Variants in SEPTIN9 observed in about 807,000 individuals in gnomAD.
SEPTIN9 encodes the protein septin 9, also known as septin-9.
SEPTIN9 carries 13 observed loss-of-function variants against 56.6 expected under a neutral mutation model. The ratio of observed to expected loss-of-function variants is 0.23; its 90% CI spans 0.15 to 0.37. SEPTIN9 has a LOEUF of 0.37. Among genes scored for constraint, SEPTIN9 ranks in the 10% least tolerant of loss-of-function variants. SEPTIN9 has a pLI of 1.00. For missense variants in SEPTIN9, 650 were observed against 823.1 expected, an observed-to-expected ratio of 0.79 and a Z score of 2.57; for synonymous variants, 332 against 334.1, an observed-to-expected ratio of 0.99 and a Z score of 0.07.
In SEPTIN9 at chr17:77,326,220, A is replaced by T. The variant is rs2033134991; in HGVS notation, c.76+19023A>T. ...AACCTCCCTTGCCGGTCACTCATTC[A>T]TTCATTCAGCATTGGGTGCTCCCTG... On this transcript the variant is annotated intron_variant, in intron 2 of 11. Transcript: ENST00000427177. The surrounding 1 kb of genome is among the most constrained non-coding windows in gnomAD (Gnocchi z 5.1). 1.3e-5 allele frequency among the ~76,000 whole-genome samples: 2 copies of T among 152,270 alleles called. No individual in the cohort carries two copies. The highest frequency in any genetic ancestry group is 4.1e-4 in the South Asian group (2 of 4,824).
chr17:77,443,867 CT>C (rs1037547026), intron 3 of SEPTIN9, among the ~76,000 whole-genome samples: 6 of 152,112 alleles, frequency 3.9e-5, no homozygotes, highest in African/African-American at 1.4e-4. Flanking sequence ...AAAGTTGCAA[CT>C]TGACGGGAGG....
In SEPTIN9 at chr17:77,326,541, C is replaced by T. The variant is rs375067644; in HGVS notation, c.76+19344C>T. 1.2e-3 allele frequency among the ~76,000 whole-genome samples: 187 copies of T among 152,260 alleles called. 1 individual carries two copies. Among genetic ancestry groups the T allele is most frequent in the South Asian group, 0.012 (58 of 4,822 alleles). On this transcript the variant is annotated intron_variant, in intron 2 of 11. Transcript: ENST00000427177. The surrounding 1 kb of genome is among the most constrained non-coding windows in gnomAD (Gnocchi z 5.1). ...GGCAATGTGTTCAAAGGCCCTGGGGCGCGGGGGGCTGAGGCCGGCAGCACG... is the reference window on the plus strand; with the variant it reads ...GGCAATGTGTTCAAAGGCCCTGGGGTGCGGGGGGCTGAGGCCGGCAGCACG...
chr17:77,324,795 G>A (rs1429058611), intron 2 of SEPTIN9, among the ~76,000 whole-genome samples: 3 of 148,892 alleles, frequency 2.0e-5, no homozygotes, highest in East Asian at 2.0e-4. Context: ...TTCTCCCCAC[G>A]TTGTTAGTGC....
At position 77,383,247 on chromosome 17, in the gene SEPTIN9, TCTC is replaced by T. The variant is rs774209564; in HGVS notation, c.77-18809_77-18807del. Reference sequence around the variant, plus strand: ...CAAGTCCAGGCCCTTCCAGCTGTTCTCTCCTTACCCACAGGCACCTCCTGTGAC... The same window carrying T: ...CAAGTCCAGGCCCTTCCAGCTGTTCTCTTACCCACAGGCACCTCCTGTGAC... On this transcript the variant is annotated intron_variant, in intron 2 of 11. Transcript: ENST00000427177. Among the ~76,000 whole-genome samples the T allele has an allele frequency of 8.3e-4, 124 of 149,520 alleles. 2 individuals carry two copies. The highest frequency in any genetic ancestry group is 4.0e-3 in the Admixed American group (60 of 15,026).
In SEPTIN9 at chr17:77,402,775, C is replaced by A. The variant is rs1367950017; in HGVS notation, c.721+72C>A. 2.1e-6 allele frequency: 3 copies of A among 1,458,798 alleles called. No homozygotes were observed. The highest frequency in any genetic ancestry group is 1.4e-5 in the African/African-American group (1 of 70,682). 90.4% of individuals were successfully genotyped at this position (1,458,798 alleles called of 1,614,324 possible). ...CTGGTTGCTGGCTTTGCCACAGAATCTTGGAGGAAGAAGCTGGATATGGGG... is the reference window on the plus strand; with the variant it reads ...CTGGTTGCTGGCTTTGCCACAGAATATTGGAGGAAGAAGCTGGATATGGGG... On this transcript the variant is annotated intron_variant, in intron 3 of 11. Transcript: ENST00000427177. The surrounding 1 kb of genome is among the most constrained non-coding windows in gnomAD (Gnocchi z 6.6).
At chr17:77,388,604 G>A (rs1412283295) in intron 2 of SEPTIN9, among the ~76,000 whole-genome samples, 1 of 152,142 alleles carries the variant, frequency 6.6e-6, no homozygotes, top group Non-Finnish European at 1.5e-5. Context: ...CCCTGGCTCT[G>A]CAGGTCTGGG....
chr17:77,348,427 T>A (rs2033956842), intron 2 of SEPTIN9, among the ~76,000 whole-genome samples: 1 of 151,420 alleles, frequency 6.6e-6, no homozygotes, highest in South Asian at 2.1e-4. Context: ...GCTTCCCTAG[T>A]ATACTGGGAT....
chr17:77,366,252 C>G (rs2034567969), intron 2 of SEPTIN9, among the ~76,000 whole-genome samples: 1 of 152,102 alleles, frequency 6.6e-6, no homozygotes, highest in Admixed American at 6.5e-5. Flanking sequence ...TACTGTGTCC[C>G]CATCTCATTT....
In SEPTIN9 at chr17:77,327,559, G is replaced by A. The variant is rs2033186577; in HGVS notation, c.76+20362G>A. On this transcript the variant is annotated intron_variant, in intron 2 of 11. Coordinates refer to ENST00000427177, the MANE Select transcript of SEPTIN9 (RefSeq NM_001113491.2). This position sits in a 1 kb window ranked among gnomAD's most constrained non-coding sequence, Gnocchi z 5.0. The stretch of plus-strand genomic sequence containing the variant: ...GGCATGCTCTGGGCAGTGGGGGCTG[G>A]GTATGGGAGGGGATCGTGGGTGGGG... Among the ~76,000 whole-genome samples, 1 of 152,202 alleles carries A rather than the reference G, an allele frequency of 6.6e-6. No homozygotes were observed. Among genetic ancestry groups the A allele is most frequent in the South Asian group, 2.1e-4 (1 of 4,832 alleles).
chr17:77,465,640 G>T (rs926201707), intron 3 of SEPTIN9, among the ~76,000 whole-genome samples: 2 of 152,164 alleles, frequency 1.3e-5, no homozygotes, highest in Admixed American at 6.5e-5. Context: ...GGGTGGGGAC[G>T]CAGAGTGACC....
chr17:77,474,493 A>G (rs564743723), intron 3 of SEPTIN9, among the ~76,000 whole-genome samples: 4 of 152,212 alleles, frequency 2.6e-5, no homozygotes, highest in Non-Finnish European at 4.4e-5. Flanking sequence ...GGCGGGTAGA[A>G]TCTTCTCCTG....
At chr17:77,497,228 CAGCATTTCTGGGCAGGGGG>C (rs1325490044) in intron 10 of SEPTIN9, 68 bp from the exon 11 acceptor site, 1 of 1,378,120 alleles carries the variant, frequency 7.3e-7, no homozygotes, top group East Asian at 2.4e-5. Context: ...CTTTTGGCAC[CAGCATTTCTGGGCAGGGGG>C]AGAGAGGTGG....
At chr17:77,412,563 C>G (rs1294837700) in intron 3 of SEPTIN9, among the ~76,000 whole-genome samples, 1 of 151,996 alleles carries the variant, frequency 6.6e-6, no homozygotes, top group Non-Finnish European at 1.5e-5. Context: ...ATGGCAAAAC[C>G]GCATCTCTGC....
intron 3 of SEPTIN9, among the ~76,000 whole-genome samples, chr17:77,479,993 A>G (rs72887176): frequency 0.036 from 5,511 of 152,250 alleles, 239 homozygotes; most frequent in African/African-American, 0.099. Flanking sequence ...AGGTCCTGGA[A>G]GCCCAGGGGA....
intron 2 of SEPTIN9, among the ~76,000 whole-genome samples, chr17:77,333,220 G>A (rs1477809612): frequency 1.3e-5 from 2 of 152,082 alleles, no homozygotes; most frequent in Non-Finnish European, 1.5e-5. Flanking sequence ...TGACTAATGC[G>A]GTTGAGCACA....
chr17:77,319,288 A>C lies in SEPTIN9; in HGVS notation c.76+12091A>C, dbSNP rs2032814498. On this transcript the variant is annotated intron_variant, in intron 2 of 11. Coordinates refer to ENST00000427177, the MANE Select transcript of SEPTIN9 (RefSeq NM_001113491.2). This position sits in a 1 kb window ranked among gnomAD's most constrained non-coding sequence, Gnocchi z 5.3. Reference sequence around the variant, plus strand: ...GCCCTTGGCCTCAGCATGGACCCTGACCATGTGCTGGTGGGGACCCCCCAG... The same window carrying C: ...GCCCTTGGCCTCAGCATGGACCCTGCCCATGTGCTGGTGGGGACCCCCCAG... 6.6e-6 allele frequency among the ~76,000 whole-genome samples: 1 copy of C among 152,160 alleles called. No homozygotes were observed. Among genetic ancestry groups the C allele is most frequent in the Non-Finnish European group, 1.5e-5 (1 of 68,026 alleles).
chr17:77,292,208 G>A (rs2031592417), intron 1 of SEPTIN9, among the ~76,000 whole-genome samples: 2 of 152,084 alleles, frequency 1.3e-5, no homozygotes, highest in Admixed American at 6.6e-5. Flanking sequence ...GTTTCTTCTG[G>A]AACCCTCAGG....
At chr17:77,378,027 T>C (rs2034994811) in intron 2 of SEPTIN9, among the ~76,000 whole-genome samples, 2 of 152,124 alleles carry the variant, frequency 1.3e-5, no homozygotes, top group South Asian at 2.1e-4. Context: ...GACTACGAGT[T>C]GGTTCATTTA....
chr17:77,291,337 C>T (rs886670505), intron 1 of SEPTIN9, among the ~76,000 whole-genome samples: 4 of 150,836 alleles, frequency 2.7e-5, no homozygotes, highest in African/African-American at 9.7e-5. Flanking sequence ...CCTGGCATGC[C>T]TGGCTAATTT....
Sources: gnomAD v4.1 joint callset for allele counts (sites outside exome capture counted in the v4.1 genomes callset) on GRCh38, gnomAD v4.1.1 for gene constraint, Gnocchi (gnomAD v3.1) non-coding constraint, MANE v1.5 for transcripts, NCBI Gene and HGNC (gene_info 2026-07-23, HGNC 2026-07-21) for gene names.